The following USP9Y variants were observed in gnomAD, a reference collection of about 807,000 sequenced individuals.
USP9Y encodes ubiquitin carboxyl-terminal hydrolase 9Y.
Under a neutral mutation model 53.1 loss-of-function variants are expected in USP9Y, and 41 were observed. The observed-to-expected ratio is 0.77, with a 90% CI of 0.60 to 1.00. The LOEUF is 1.00. USP9Y is among the 50% of genes least tolerant of loss of function. The pLI is 0.00. For missense variants in USP9Y, 567 were observed against 535.8 expected, an observed-to-expected ratio of 1.06 and a Z score of -0.58; for synonymous variants, 220 against 173.7, an observed-to-expected ratio of 1.27 and a Z score of -2.09.
chrY:12,817,431 T>C, intron 32 of USP9Y, among the ~76,000 whole-genome samples: 1 of 33,966 alleles, frequency 2.9e-5, no homozygotes, highest in South Asian at 6.4e-4. Context: ...AGTTTCAGAT[T>C]GTAGTGTATC....
intron 12 of USP9Y, 93 bp downstream of exon 12, chrY:12,739,722 G>C: frequency 6.4e-6 from 1 of 155,195 alleles, no homozygotes; most frequent in Non-Finnish European, 1.2e-5. Flanking sequence ...TTTGCTTATA[G>C]CTAGTGTGCT....
intron 22 of USP9Y, among the ~76,000 whole-genome samples, 180 bp downstream of exon 22, chrY:12,779,826 A>G (rs2053497357): frequency 3.0e-5 from 1 of 33,762 alleles, no homozygotes; most frequent in African/African-American, 1.1e-4. Context: ...TGGATGGGAA[A>G]ATATTTAGGA....
chrY:12,756,494 C>T, intron 12 of USP9Y, among the ~76,000 whole-genome samples: 12 of 32,767 alleles, frequency 3.7e-4, no homozygotes, highest in Admixed American at 2.0e-3. Flanking sequence ...AATTCACTAC[C>T]TTCTTGTTCC....
intron 15 of USP9Y, among the ~76,000 whole-genome samples, chrY:12,768,809 G>A: frequency 2.5e-4 from 8 of 32,554 alleles, no homozygotes; most frequent in African/African-American, 8.4e-4. Flanking sequence ...ATAACTTTAA[G>A]GAATAAAATT....
chrY:12,740,888 C>G, intron 12 of USP9Y, among the ~76,000 whole-genome samples: 1 of 30,764 alleles, frequency 3.3e-5, no homozygotes, highest in Non-Finnish European at 7.8e-5. Flanking sequence ...TTCATAAATT[C>G]TCAAGATGAC....
At chrY:12,781,987 T>A in intron 22 of USP9Y, among the ~76,000 whole-genome samples, 1 of 33,392 alleles carries the variant, frequency 3.0e-5, no homozygotes, top group Non-Finnish European at 7.4e-5. Flanking sequence ...TTGCCCAGAT[T>A]CAACAGAGGA....
Position 12,859,995 on chromosome Y carries a change from T to C in USP9Y, c.*579T>C. The C allele has an allele frequency of 2.9e-5, 1 of 34,682 alleles. No individual in the cohort carries two copies. The highest frequency in any genetic ancestry group is 7.1e-5 in the Non-Finnish European group (1 of 14,112). The allele number at this position is 34,682 out of a possible 400,897, so 8.7% of individuals were successfully genotyped here. A position where few individuals can be genotyped will look rare whatever the true frequency, so the allele number is the denominator to read the frequency against. On this transcript the variant is annotated 3_prime_UTR_variant, in exon 46 of 46. Transcript: ENST00000338981. ...ACTTTTCATTACCTTTTTATTCTGG[T>C]ATATAGGCTAACCACTTTAAAGCTA... is the stretch of plus-strand genomic sequence containing the variant.
intron 37 of USP9Y, among the ~76,000 whole-genome samples, chrY:12,841,368 A>C (rs2053561120): frequency 3.0e-5 from 1 of 33,087 alleles, no homozygotes; most frequent in Non-Finnish European, 7.4e-5. Context: ...TTTTATTTTT[A>C]CTAGATGAAA....
chrY:12,761,212 G>C, intron 15 of USP9Y, among the ~76,000 whole-genome samples: 1 of 33,735 alleles, frequency 3.0e-5, no homozygotes, highest in Non-Finnish European at 7.4e-5. Context: ...CTCCTGCCTT[G>C]GCCTCCCAGA....
chrY:12,718,394 G>A (rs1053267913), intron 3 of USP9Y, among the ~76,000 whole-genome samples: 1 of 33,669 alleles, frequency 3.0e-5, no homozygotes, highest in Non-Finnish European at 7.3e-5. Context: ...TGAAACCCAC[G>A]TGCATGTGCT....
chrY:12,816,548 T>A, intron 32 of USP9Y, among the ~76,000 whole-genome samples: 1 of 34,284 alleles, frequency 2.9e-5, no homozygotes, highest in Non-Finnish European at 7.3e-5. Flanking sequence ...ACTGTTTTTT[T>A]GTTTGTCTCC....
intron 24 of USP9Y, among the ~76,000 whole-genome samples, chrY:12,788,476 A>T (rs771678820): frequency 3.0e-5 from 1 of 33,617 alleles, no homozygotes; most frequent in African/African-American, 1.2e-4. Flanking sequence ...CCTAGTATAA[A>T]ACAGATAATT....
In USP9Y at chrY:12,840,039, A is replaced by C. The variant is rs1178290655; in HGVS notation, c.5513A>C (p.Glu1838Ala). 2.5e-5 allele frequency: 10 copies of C among 398,600 alleles called. No individual in the cohort carries two copies. The highest frequency in any genetic ancestry group is 3.5e-5 in the Non-Finnish European group (10 of 283,420). ...ACAGTAGCAGGTGTTGCAAACCTGG[A>C]AAGGGATAATGTAAACTCAGAAAAT... is the stretch of plus-strand genomic sequence containing the variant. ...PYTVAGVANL[E>A]RDNVNSENEL... The change falls in exon 36 of 46, where the codon GAA becomes GCA. Residue 1838 changes from glutamate to alanine, a missense_variant. Transcript: ENST00000338981.
Position 12,786,715 on chromosome Y carries a change from T to G in USP9Y, c.3476T>G (p.Leu1159Trp). ...AATGCTCTTAAAATAGCCAAACTGT[T>G]GTTAACTGCGATTGGCTATGGCCAT... ...YLNALKIAKL[L>W]LTAIGYGHVR... Residue 1159 changes from leucine to tryptophan, a missense_variant, in exon 24 of 46, where the codon TTG (leucine) becomes TGG (tryptophan). Leu to Trp is a moderately conservative substitution (Grantham distance 61). Coordinates refer to ENST00000338981, the MANE Select transcript of USP9Y (RefSeq NM_004654.4). 2.5e-6 allele frequency: 1 copy of G among 398,501 alleles called. No individual in the cohort carries two copies.
At chrY:12,776,058 C>T in intron 18 of USP9Y, among the ~76,000 whole-genome samples, 1 of 31,936 alleles carries the variant, frequency 3.1e-5, no homozygotes, top group African/African-American at 1.2e-4. Context: ...TGTCTAACTC[C>T]TGGGCTCATG....
rs763798359 is a variant in USP9Y at position 12,790,485 on chromosome Y, G to A, written c.3640G>A (p.Val1214Ile). 2.1e-4 allele frequency: 81 copies of A among 393,452 alleles called. No homozygotes were observed. The highest frequency in any genetic ancestry group is 2.6e-4 in the Non-Finnish European group (74 of 280,557). The change falls in exon 25 of 46, where the codon GTA becomes ATA. Residue 1214 changes from valine to isoleucine, a missense_variant. Transcript: ENST00000338981. ...CATTCCTAATCCCTCATCCGAGTGC[G>A]TACTTAGAAATGAGTCCATACTTCT... ...QSIPNPSSECVLRNESILLAQ... is the reference protein window; with the variant it reads ...QSIPNPSSECILRNESILLAQ...
intron 1 of USP9Y, among the ~76,000 whole-genome samples, chrY:12,704,274 G>A: frequency 3.0e-5 from 1 of 32,854 alleles, no homozygotes; most frequent in Non-Finnish European, 7.5e-5. Context: ...TCCTTTTTTT[G>A]GTGATAGGGT....
intron 33 of USP9Y, among the ~76,000 whole-genome samples, chrY:12,824,237 T>A: frequency 3.0e-5 from 1 of 32,809 alleles, no homozygotes; most frequent in Admixed American, 2.9e-4. Context: ...ATATATTCTG[T>A]ATATGTATTT....
chrY:12,745,467 G>T, intron 12 of USP9Y, among the ~76,000 whole-genome samples: 2 of 33,173 alleles, frequency 6.0e-5, no homozygotes, highest in Non-Finnish European at 1.5e-4. Flanking sequence ...GTTACTCACC[G>T]CAGGTTAGGA....
Sources: allele counts gnomAD v4.1 joint callset (sites outside exome capture counted in the v4.1 genomes callset), GRCh38; gene constraint gnomAD v4.1.1; transcripts MANE v1.5; gene names NCBI Gene and HGNC (gene_info 2026-07-23, HGNC 2026-07-21).